Variants in DNMT1 observed in about 807,000 individuals in gnomAD.
The protein encoded by DNMT1 is DNA methyltransferase 1, also known as DNA (cytosine-5)-methyltransferase 1.
Under a neutral mutation model 205.3 loss-of-function variants are expected in DNMT1, and 24 were observed. That is an observed-to-expected ratio of 0.12 (90% CI 0.08 to 0.16). The LOEUF is 0.16. DNMT1 is among the 10% of genes least tolerant of loss of function. The pLI is 1.00. For missense variants in DNMT1, 1,293 were observed against 2,177.7 expected (o/e 0.59, Z 8.09); for synonymous variants, 817 against 839.8 (o/e 0.97, Z 0.47).
At chr19:10,184,821 G>A (rs1223996412) in intron 1 of DNMT1, among the ~76,000 whole-genome samples, 5 of 152,214 alleles carry the variant, frequency 3.3e-5, no homozygotes, top group Admixed American at 2.0e-4. Flanking sequence ...CCAGGCCACT[G>A]CCATCTCTGG....
chr19:10,194,921 G>C lies in DNMT1; in HGVS notation c.-22C>G, dbSNP rs1204600439. 3 of 1,596,370 alleles carry C rather than the reference G, an allele frequency of 1.9e-6. No individual in the cohort carries two copies. Among genetic ancestry groups the C allele is most frequent in the Non-Finnish European group, 2.6e-6 (3 of 1,171,246 alleles). On this transcript the variant is annotated 5_prime_UTR_variant, in exon 1 of 41. Transcript: ENST00000359526. ...GCATCTCGGAGGCTTCAGCAGACGC[G>C]GCGGCGGCAGCGCAGGCGCCCCGGC... is the stretch of plus-strand genomic sequence containing the variant.
intron 33 of DNMT1, 92 bp downstream of exon 33, chr19:10,139,954 A>T (rs553033701): frequency 6.3e-7 from 1 of 1,596,312 alleles, no homozygotes; most frequent in Non-Finnish European, 8.5e-7. Flanking sequence ...TCCGGGGGGC[A>T]GAGGCCTCAG....
At position 10,154,573 on chromosome 19, in the gene DNMT1, G is replaced by A. The variant is rs997360456; in HGVS notation, c.1832+13C>T. On this transcript the variant is annotated intron_variant, in intron 21 of 40. Transcript: ENST00000359526. This position sits in a 1 kb window ranked among gnomAD's most constrained non-coding sequence, Gnocchi z 6.3. ...GTCTCCAGTCTTCACTCTGGTCCCTGCCGCATCCTTACCTCTGTCCCAGCG... is the reference window on the plus strand; with the variant it reads ...GTCTCCAGTCTTCACTCTGGTCCCTACCGCATCCTTACCTCTGTCCCAGCG... 5 of 1,613,732 alleles carry A rather than the reference G, an allele frequency of 3.1e-6. No homozygotes were observed. Among genetic ancestry groups the A allele is most frequent in the South Asian group, 1.1e-5 (1 of 91,084 alleles).
chr19:10,172,153 C>T (rs557971145), intron 9 of DNMT1, among the ~76,000 whole-genome samples: 4 of 151,890 alleles, frequency 2.6e-5, no homozygotes, highest in Admixed American at 6.6e-5. Flanking sequence ...TGGTGGCTCA[C>T]GCCTATAATC....
intron 1 of DNMT1, among the ~76,000 whole-genome samples, chr19:10,188,005 G>A (rs2039227962): frequency 6.6e-6 from 1 of 151,898 alleles, no homozygotes; most frequent in Non-Finnish European, 1.5e-5. Context: ...AGCTTGGTGT[G>A]GCAGCATGCA....
intron 13 of DNMT1, among the ~76,000 whole-genome samples, chr19:10,161,603 A>AC (rs1387998496): frequency 1.3e-5 from 2 of 152,174 alleles, no homozygotes; most frequent in Non-Finnish European, 2.9e-5. Context: ...CTATGACTGT[A>AC]CCACTGCACT....
In DNMT1 at chr19:10,154,732, T is replaced by C. The variant is rs762177465; in HGVS notation, c.1686A>G (p.Thr562=). Residue 562 remains threonine, a synonymous_variant, in exon 21 of 41, where the codon ACA becomes ACG. Transcript: ENST00000359526. This position sits in a 1 kb window ranked among gnomAD's most constrained non-coding sequence, Gnocchi z 6.3. ...PPSGLNLNRF[T]EDSLLRHAQF... Reference sequence around the variant, plus strand: ...GCGCGTGTCGCAGGAGGGAGTCCTCTGTGAAGCGGTTCAAGTTGAGGCCAG... The same window carrying C: ...GCGCGTGTCGCAGGAGGGAGTCCTCCGTGAAGCGGTTCAAGTTGAGGCCAG... The C allele has an allele frequency of 1.9e-6, 3 of 1,614,212 alleles. No individual in the cohort carries two copies. Among genetic ancestry groups the C allele is most frequent in the East Asian group, 2.2e-5 (1 of 44,880 alleles).
At chr19:10,155,337 C>CTT (rs561209748) in intron 19 of DNMT1, among the ~76,000 whole-genome samples, 3 of 146,196 alleles carry the variant, frequency 2.1e-5, no homozygotes, top group Non-Finnish European at 3.0e-5. Context: ...AAGACCTGCT[C>CTT]TTTTTTTTTT....
At chr19:10,150,908 A>T (rs1259504225) in intron 24 of DNMT1, among the ~76,000 whole-genome samples, 1 of 152,168 alleles carries the variant, frequency 6.6e-6, no homozygotes, top group Non-Finnish European at 1.5e-5. Flanking sequence ...CCTGGGCAAC[A>T]TGATGAAACC....
intron 6 of DNMT1, among the ~76,000 whole-genome samples, 172 bp from the exon 7 acceptor site, chr19:10,175,790 G>C (rs1278214739): frequency 6.6e-6 from 1 of 152,046 alleles, no homozygotes; most frequent in East Asian, 1.9e-4. Context: ...AGAAATCACG[G>C]GTCTAAACAC....
At chr19:10,165,882 T>C (rs1241939050) in intron 11 of DNMT1, among the ~76,000 whole-genome samples, 1 of 152,076 alleles carries the variant, frequency 6.6e-6, no homozygotes, top group African/African-American at 2.4e-5. Context: ...GCTCCCCTGC[T>C]ATGGGGTGGG....
rs185094751 is a variant in DNMT1, at chr19:10,154,097, C to G, written c.2019+196G>C. Among the ~76,000 whole-genome samples the G allele has an allele frequency of 1.3e-5, 2 of 152,182 alleles. No homozygotes were observed. The highest frequency in any genetic ancestry group is 2.4e-5 in the African/African-American group (1 of 41,458). On this transcript the variant is annotated intron_variant, in intron 22 of 40. Transcript: ENST00000359526. This position sits in a 1 kb window ranked among gnomAD's most constrained non-coding sequence, Gnocchi z 6.3. Reference sequence around the variant, plus strand: ...ATTATCAGCAAAGCACCCAAGCATGCCTCTGTGGACATCTGTCCTATTGAC... The same window carrying G: ...ATTATCAGCAAAGCACCCAAGCATGGCTCTGTGGACATCTGTCCTATTGAC...
At chr19:10,177,099 AT>A (rs1365019863) in intron 6 of DNMT1, among the ~76,000 whole-genome samples, 192 bp downstream of exon 6, 2 of 152,140 alleles carry the variant, frequency 1.3e-5, no homozygotes, top group Non-Finnish European at 2.9e-5. Context: ...TTTTGTGTAC[AT>A]TTGAACTTTC....
At position 10,137,315 on chromosome 19, in the gene DNMT1, T is replaced by C; in HGVS notation, c.4294-35A>G. On this transcript the variant is annotated intron_variant, in intron 36 of 40. Coordinates refer to ENST00000359526, the MANE Select transcript of DNMT1 (RefSeq NM_001130823.3). This position sits in a 1 kb window ranked among gnomAD's most constrained non-coding sequence, Gnocchi z 6.4. Reference sequence around the variant, plus strand: ...TGTGGGGGGCCCAGCTGTCACCTCATGTGAGCAGCATCCGAGCATCCATGG... The same window carrying C: ...TGTGGGGGGCCCAGCTGTCACCTCACGTGAGCAGCATCCGAGCATCCATGG... 6.3e-7 allele frequency: 1 copy of C among 1,577,384 alleles called. No individual in the cohort carries two copies. The highest frequency in any genetic ancestry group is 2.3e-5 in the East Asian group (1 of 43,292).
intron 30 of DNMT1, 186 bp downstream of exon 30, chr19:10,141,842 G>A (rs112749288): frequency 4.1e-5 from 26 of 635,528 alleles, no homozygotes; most frequent in African/African-American, 1.8e-4. Flanking sequence ...CATACAACTT[G>A]TGCTCTGGAG....
Position 10,154,451 on chromosome 19 carries a change from T to G in DNMT1, c.1861A>C (p.Arg621=), listed in dbSNP as rs144567470. The G allele has an allele frequency of 5.7e-5, 92 of 1,614,122 alleles. 1 individual carries two copies. The highest frequency in any genetic ancestry group is 1.6e-4 in the Middle Eastern group (1 of 6,084). Residue 621 remains arginine, a synonymous_variant, in exon 22 of 41, where the codon AGG becomes CGG. Coordinates refer to ENST00000359526, the MANE Select transcript of DNMT1 (RefSeq NM_001130823.3). This position sits in a 1 kb window ranked among gnomAD's most constrained non-coding sequence, Gnocchi z 6.3. ...CTGTCCTTCTCCCTGGTAGAATGCC[T>G]GATGGTCTGCCGCCTCGCCTGGGCT... The part of the protein sequence containing the change: ...RRAQARRQTI[R]HSTREKDRGP...
At chr19:10,145,344 C>T (rs1054519123) in intron 28 of DNMT1, among the ~76,000 whole-genome samples, 4 of 152,152 alleles carry the variant, frequency 2.6e-5, no homozygotes, top group Non-Finnish European at 5.9e-5. Context: ...GAGGGGGTAA[C>T]GCGCCCCAAC....
intron 8 of DNMT1, among the ~76,000 whole-genome samples, chr19:10,173,578 A>G (rs2038871388): frequency 6.7e-6 from 1 of 149,454 alleles, no homozygotes; most frequent in African/African-American, 2.5e-5. Context: ...TGCAGCCTCT[A>G]CCTCCTGGGT....
intron 17 of DNMT1, among the ~76,000 whole-genome samples, chr19:10,158,000 TAACTC>T (rs1261273462): frequency 6.6e-6 from 1 of 152,166 alleles, no homozygotes; most frequent in African/African-American, 2.4e-5. Flanking sequence ...AGCCCCTAAA[TAACTC>T]AGGCAGTCCA....
Sources: allele counts gnomAD v4.1 joint callset (sites outside exome capture counted in the v4.1 genomes callset), GRCh38; gene constraint gnomAD v4.1.1; non-coding constraint Gnocchi (gnomAD v3.1); transcripts MANE v1.5; gene names NCBI Gene and HGNC (gene_info 2026-07-23, HGNC 2026-07-21).